The following LRP1B variants were observed in gnomAD, a reference collection of about 807,000 sequenced individuals.
The protein encoded by LRP1B is LDL receptor related protein 1B.
A neutral mutation model predicts 556.6 loss-of-function variants in LRP1B; 217 were observed. That is an observed-to-expected ratio of 0.39 (90% CI 0.35 to 0.44). The LOEUF is 0.44. Among genes scored for constraint, LRP1B ranks in the 20% least tolerant of loss-of-function variants. The pLI is 1.00. For missense variants in LRP1B, 5,053 were observed against 5,620.8 expected (o/e 0.90, Z 3.23); for synonymous variants, 2,047 against 1,865.8 (o/e 1.10, Z -2.50).
chr2:141,369,291 C>G (rs551931395), intron 3 of LRP1B, among the ~76,000 whole-genome samples: 1 of 152,090 alleles, frequency 6.6e-6, no homozygotes, highest in South Asian at 2.1e-4. Flanking sequence ...GCTCTGAAAA[C>G]CTACCACCTA....
intron 2 of LRP1B, among the ~76,000 whole-genome samples, chr2:141,785,495 T>C (rs983139019): frequency 6.6e-6 from 1 of 151,890 alleles, no homozygotes; most frequent in African/African-American, 2.4e-5. Flanking sequence ...CTCTTTTCCA[T>C]GTGTCAAAAT....
intron 2 of LRP1B, among the ~76,000 whole-genome samples, chr2:141,663,178 A>G (rs999583668): frequency 6.6e-6 from 1 of 152,210 alleles, no homozygotes; most frequent in Non-Finnish European, 1.5e-5. Context: ...TCTGGGATGC[A>G]GCTAAAGCAG....
intron 7 of LRP1B, among the ~76,000 whole-genome samples, chr2:141,121,575 A>G (rs1357672088): frequency 2.6e-5 from 4 of 151,986 alleles, no homozygotes; most frequent in Non-Finnish European, 5.9e-5. Context: ...GAGAACTACA[A>G]ACCACTGCTC....
At position 140,840,962 on chromosome 2, in the gene LRP1B, A is replaced by C; in HGVS notation, c.5070T>G (p.His1690Gln). The C allele has an allele frequency of 6.2e-7, 1 of 1,613,464 alleles. No individual in the cohort carries two copies. Among genetic ancestry groups the C allele is most frequent in the Non-Finnish European group, 8.5e-7 (1 of 1,179,652 alleles). ...LDGSLKTSIIHGIDKPQCLAA... is the reference protein window; with the variant it reads ...LDGSLKTSIIQGIDKPQCLAA... ...CAAGACACTGTGGCTTATCGATTCC[A>C]TGGATAATTGAGGTTTTCAAAGAGC... Residue 1690 changes from histidine to glutamine, a missense_variant, in exon 30 of 91, where the codon CAT becomes CAG. This residue lies in a region of LRP1B where 3,619 missense variants were observed against 3,931.9 expected (regional missense o/e 0.92). Coordinates refer to ENST00000389484, the MANE Select transcript of LRP1B (RefSeq NM_018557.3).
At chr2:140,819,642 A>C (rs868828256) in intron 31 of LRP1B, among the ~76,000 whole-genome samples, 2 of 152,220 alleles carry the variant, frequency 1.3e-5, no homozygotes, top group Non-Finnish European at 2.9e-5. Flanking sequence ...ACACATAAAA[A>C]GATGTTCAAT....
At chr2:140,502,091 AG>A (rs1233338508) in intron 54 of LRP1B, among the ~76,000 whole-genome samples, 3 of 152,068 alleles carry the variant, frequency 2.0e-5, no homozygotes, top group African/African-American at 7.2e-5. Context: ...TTGCAAATAT[AG>A]CTTGATCATG....
intron 1 of LRP1B, among the ~76,000 whole-genome samples, chr2:142,039,481 A>G (rs1281084077): frequency 1.3e-5 from 2 of 151,518 alleles, no homozygotes; most frequent in African/African-American, 4.8e-5. Context: ...GAAAACAGAA[A>G]AAAACAGAAT....
intron 1 of LRP1B, among the ~76,000 whole-genome samples, chr2:141,878,603 C>T (rs1415017491): frequency 6.6e-6 from 1 of 151,826 alleles, no homozygotes; most frequent in Non-Finnish European, 1.5e-5. Context: ...AATATTTCCC[C>T]TTTTGAGGTG....
At chr2:140,403,994 G>A (rs1253120965) in intron 66 of LRP1B, among the ~76,000 whole-genome samples, 2 of 151,980 alleles carry the variant, frequency 1.3e-5, no homozygotes, top group African/African-American at 2.4e-5. Flanking sequence ...ATAACTGTCA[G>A]CCAAGAATTT....
chr2:140,594,275 T>TA (rs1169763467), intron 43 of LRP1B, among the ~76,000 whole-genome samples: 2 of 152,130 alleles, frequency 1.3e-5, no homozygotes, highest in Non-Finnish European at 2.9e-5. Context: ...TGGCCCATGT[T>TA]AAAAAAATTA....
At chr2:141,940,255 GCT>G (rs961851355) in intron 1 of LRP1B, among the ~76,000 whole-genome samples, 62 of 152,216 alleles carry the variant, frequency 4.1e-4, no homozygotes, top group African/African-American at 1.4e-3. Flanking sequence ...GAATTCAACA[GCT>G]CTCTGTGCAA....
At chr2:140,567,833 T>C (rs1369563628) in intron 43 of LRP1B, among the ~76,000 whole-genome samples, 2 of 152,108 alleles carry the variant, frequency 1.3e-5, no homozygotes, top group Non-Finnish European at 2.9e-5. Flanking sequence ...ACTTCCATAG[T>C]CAAAATTATT....
intron 7 of LRP1B, among the ~76,000 whole-genome samples, chr2:141,140,824 T>C (rs893958239): frequency 6.6e-6 from 1 of 152,152 alleles, no homozygotes; most frequent in Non-Finnish European, 1.5e-5. Flanking sequence ...GCTAATCTGA[T>C]TGACTTACTG....
intron 29 of LRP1B, among the ~76,000 whole-genome samples, chr2:140,846,639 C>G (rs1692281993): frequency 6.6e-6 from 1 of 151,764 alleles, no homozygotes; most frequent in Non-Finnish European, 1.5e-5. Flanking sequence ...TATTTGGGGC[C>G]CAATTTTTGA....
At chr2:141,765,827 T>C (rs1226889158) in intron 2 of LRP1B, among the ~76,000 whole-genome samples, 1 of 152,204 alleles carries the variant, frequency 6.6e-6, no homozygotes, top group Non-Finnish European at 1.5e-5. Context: ...TAGCATCTCC[T>C]CAGAACTTGT....
At chr2:140,615,674 C>T (rs919547975) in intron 41 of LRP1B, among the ~76,000 whole-genome samples, 2 of 152,016 alleles carry the variant, frequency 1.3e-5, no homozygotes, top group African/African-American at 4.8e-5. Context: ...GAGTGAAATA[C>T]GTATCACAAT....
rs1705173466 is a variant in LRP1B, at chr2:142,068,066, T to C, written c.82+62582A>G. 2.0e-5 allele frequency among the ~76,000 whole-genome samples: 3 copies of C among 151,420 alleles called. No homozygotes were observed. The Admixed American group carries it at 2.0e-4, about 10-fold the overall frequency. On this transcript the variant is annotated intron_variant, in intron 1 of 90. Transcript: ENST00000389484. ...CTTAAAGACCCTTCAGGATAATTGT[T>C]CCCACTCTTGACCAGTAGCTTCTCG...
At chr2:141,747,475 T>A (rs1325434849) in intron 2 of LRP1B, among the ~76,000 whole-genome samples, 1 of 152,144 alleles carries the variant, frequency 6.6e-6, no homozygotes, top group Non-Finnish European at 1.5e-5. Flanking sequence ...TGTGATCTTT[T>A]AAAAGAAGCT....
rs1479891404 is a variant in LRP1B, at chr2:140,825,527, C to T, written c.5210-11721G>A. Among the ~76,000 whole-genome samples the T allele has an allele frequency of 2.0e-5, 3 of 152,008 alleles. 1 individual carries two copies. The South Asian group carries it at 6.2e-4, about 32-fold the overall frequency. On this transcript the variant is annotated intron_variant, in intron 31 of 90. Transcript: ENST00000389484. ...ATGTTTTGTTTTGGTTTCTTCCCATCGGGATGTAAACATTGCAAAGCCAGT... is the reference window on the plus strand; with the variant it reads ...ATGTTTTGTTTTGGTTTCTTCCCATTGGGATGTAAACATTGCAAAGCCAGT...
Sources: gnomAD v4.1 joint callset for allele counts (sites outside exome capture counted in the v4.1 genomes callset) on GRCh38, gnomAD v4.1.1 for gene constraint, gnomAD v4.1.1 regional missense constraint, MANE v1.5 for transcripts, NCBI Gene and HGNC (gene_info 2026-07-23, HGNC 2026-07-21) for gene names.